PCDH9: variants seen among roughly 807,000 people sequenced by gnomAD.
PCDH9 encodes the protein protocadherin 9.
PCDH9 carries 24 observed loss-of-function variants against 70.6 expected under a neutral mutation model. The observed-to-expected ratio is 0.34, with a 90% confidence interval of 0.25 to 0.48. The LOEUF is 0.48. Ranked by LOEUF, PCDH9 falls within the 20% of genes least tolerant of loss-of-function variation. PCDH9 has a pLI of 0.99. For synonymous variants in PCDH9, 562 were observed against 558.5 expected, an observed-to-expected ratio of 1.01 and a Z score of -0.09; for missense variants, 1,281 against 1,503.6, an observed-to-expected ratio of 0.85 and a Z score of 2.45.
At chr13:66,622,014 C>T (rs890345033) in intron 4 of PCDH9, among the ~76,000 whole-genome samples, 2 of 152,212 alleles carry the variant, frequency 1.3e-5, no homozygotes, top group African/African-American at 4.8e-5. Context: ...TCCGGGTGGG[C>T]GTGGGCTTGG....
At chr13:66,325,161 A>G (rs1197501451) in intron 4 of PCDH9, among the ~76,000 whole-genome samples, 1 of 152,002 alleles carries the variant, frequency 6.6e-6, no homozygotes, top group Admixed American at 6.6e-5. Context: ...TGTAATACAA[A>G]CTTGATGTGT....
At chr13:66,335,921 A>C (rs1202262213) in intron 4 of PCDH9, among the ~76,000 whole-genome samples, 1 of 152,122 alleles carries the variant, frequency 6.6e-6, no homozygotes, top group East Asian at 1.9e-4. Flanking sequence ...TTGCCGCACA[A>C]GACTGGTCTA....
In PCDH9 at chr13:66,698,103, C is replaced by T. The variant is rs545856414; in HGVS notation, c.3139-66692G>A. Among the ~76,000 whole-genome samples, 8 of 152,076 alleles carry T rather than the reference C, an allele frequency of 5.3e-5. No individual in the cohort carries two copies. In the South Asian group the frequency reaches 1.7e-3, roughly 32 times the overall value. ...TTCATAGAGATAGAAAATAGAATGG[C>T]GGTTGACAGGGTCTGTGGGGCAGTA... On this transcript the variant is annotated intron_variant, in intron 3 of 4. Transcript: ENST00000377865.
intron 2 of PCDH9, among the ~76,000 whole-genome samples, chr13:67,117,975 AAC>A (rs908820455): frequency 6.6e-6 from 1 of 152,148 alleles, no homozygotes; most frequent in Non-Finnish European, 1.5e-5. Flanking sequence ...AAATTTTCAA[AAC>A]AGTGTAACAT....
intron 2 of PCDH9, among the ~76,000 whole-genome samples, chr13:67,104,588 G>A (rs1322146609): frequency 6.6e-6 from 1 of 150,762 alleles, no homozygotes; most frequent in Non-Finnish European, 1.5e-5. Flanking sequence ...TCGCTCTGTC[G>A]CCCAGGCTGG....
intron 4 of PCDH9, among the ~76,000 whole-genome samples, chr13:66,416,033 T>G (rs1225753807): frequency 6.6e-6 from 1 of 152,216 alleles, no homozygotes; most frequent in East Asian, 1.9e-4. Context: ...TTAACAGATG[T>G]GAAGCCAGAG....
At chr13:66,502,020 T>C (rs1402088735) in intron 4 of PCDH9, among the ~76,000 whole-genome samples, 9 of 152,142 alleles carry the variant, frequency 5.9e-5, no homozygotes, top group Non-Finnish European at 1.2e-4. Context: ...TTAACAAAGG[T>C]GAGAAACAGA....
At chr13:66,990,557 T>C (rs2083981577) in intron 2 of PCDH9, among the ~76,000 whole-genome samples, 1 of 149,682 alleles carries the variant, frequency 6.7e-6, no homozygotes, top group South Asian at 2.1e-4. Flanking sequence ...AATATGTATA[T>C]TCTTTTATAT....
In PCDH9 at chr13:67,225,647, TG is replaced by T. The variant is rs2089841194; in HGVS notation, c.2793del (p.Asn931LysfsTer28). The T allele has an allele frequency of 4.3e-6, 7 of 1,614,058 alleles. No individual in the cohort carries two copies. The highest frequency in any genetic ancestry group is 5.9e-6 in the Non-Finnish European group (7 of 1,180,034). On this transcript the variant is annotated frameshift_variant, in exon 2 of 5. Coordinates refer to ENST00000377865, the MANE Select transcript of PCDH9 (RefSeq NM_203487.3). LOFTEE classifies it high-confidence loss of function. ...TTGTAGTGCTTGGCCAGGTCAGGACTGTTAGGCTTGAATGTTGTTGGAGGTG... is the reference window on the plus strand; with the variant it reads ...TTGTAGTGCTTGGCCAGGTCAGGACTTTAGGCTTGAATGTTGTTGGAGGTG... ...GPAPPTTFKPNSPDLAKHYKS... is the reference protein window; with the variant it reads ...GPAPPTTFKPXSPDLAKHYKS...
Position 66,341,376 on chromosome 13 carries a change from G to C in PCDH9, c.3341-36348C>G, listed in dbSNP as rs143946525. Among the ~76,000 whole-genome samples, 300 of 152,242 alleles carry C rather than the reference G, an allele frequency of 2.0e-3. 1 individual carries two copies. Among genetic ancestry groups the C allele is most frequent in the African/African-American group, 6.9e-3 (286 of 41,542 alleles). On this transcript the variant is annotated intron_variant, in intron 4 of 4. Coordinates refer to ENST00000377865, the MANE Select transcript of PCDH9 (RefSeq NM_203487.3). ...CTCAAAGTGCTGGAATTACAAGCAT[G>C]AGCCACCATGCCTGGCCAACTTGCT... is the stretch of plus-strand genomic sequence containing the variant.
At chr13:67,139,224 A>T (rs1388222170) in intron 2 of PCDH9, among the ~76,000 whole-genome samples, 5 of 152,228 alleles carry the variant, frequency 3.3e-5, no homozygotes. Flanking sequence ...ATCGGCTGTC[A>T]CACTATGTGT....
chr13:66,628,115 G>GA lies in PCDH9; in HGVS notation c.3340+3094dup, dbSNP rs571145989. 6.6e-4 allele frequency among the ~76,000 whole-genome samples: 101 copies of GA among 152,134 alleles called. 3 individuals are homozygous for GA. The South Asian group carries it at 0.02, about 30-fold the overall frequency. On this transcript the variant is annotated intron_variant, in intron 4 of 4. Transcript: ENST00000377865. ...TATTGGTAAAAATTATTTTCTAGCC[G>GA]AAAAAACAAAGATAAATACAAAACA...
At chr13:66,737,318 T>A (rs753532350) in intron 3 of PCDH9, among the ~76,000 whole-genome samples, 2 of 152,210 alleles carry the variant, frequency 1.3e-5, no homozygotes, top group African/African-American at 2.4e-5. Flanking sequence ...GTGCAGTTTT[T>A]CAGCCCTTAG....
chr13:66,438,002 G>A (rs1363871836), intron 4 of PCDH9, among the ~76,000 whole-genome samples: 2 of 152,130 alleles, frequency 1.3e-5, no homozygotes, highest in Non-Finnish European at 2.9e-5. Flanking sequence ...GGGAGGCTGA[G>A]GCGGGTGGAT....
At chr13:67,088,202 G>A (rs778185338) in intron 2 of PCDH9, among the ~76,000 whole-genome samples, 36 of 151,566 alleles carry the variant, frequency 2.4e-4, no homozygotes, top group Non-Finnish European at 4.6e-4. Flanking sequence ...CAATGAGGTC[G>A]TGGTGTGGTT....
intron 4 of PCDH9, among the ~76,000 whole-genome samples, chr13:66,503,218 G>T (rs1334884782): frequency 3.9e-5 from 6 of 152,026 alleles, no homozygotes; most frequent in African/African-American, 1.5e-4. Context: ...ATTCTTAAGC[G>T]ATAGAATAAC....
intron 3 of PCDH9, among the ~76,000 whole-genome samples, chr13:66,796,873 A>G (rs1388348787): frequency 6.6e-6 from 1 of 152,166 alleles, no homozygotes; most frequent in East Asian, 1.9e-4. Flanking sequence ...GGGAAATGCT[A>G]GGCAAGATTA....
intron 3 of PCDH9, among the ~76,000 whole-genome samples, chr13:66,870,625 A>G (rs539595753): frequency 7.2e-5 from 11 of 152,330 alleles, no homozygotes; most frequent in Admixed American, 7.2e-4. Flanking sequence ...CAGCCAAAAA[A>G]CACATGAAAA....
At chr13:66,351,837 C>G (rs1435491510) in intron 4 of PCDH9, among the ~76,000 whole-genome samples, 2 of 118,884 alleles carry the variant, frequency 1.7e-5, no homozygotes, top group Admixed American at 1.0e-4. Flanking sequence ...TTTTTCTTTT[C>G]TTTTCTTTTC....
Sources: allele counts gnomAD v4.1 joint callset (sites outside exome capture counted in the v4.1 genomes callset), GRCh38; gene constraint gnomAD v4.1.1; transcripts MANE v1.5; gene names NCBI Gene and HGNC (gene_info 2026-07-23, HGNC 2026-07-21).